The following AQP9 variants were observed in gnomAD, a reference collection of about 807,000 sequenced individuals.
The protein encoded by AQP9 is aquaporin-9.
A neutral mutation model predicts 23.8 loss-of-function variants in AQP9; 19 were observed. That is an observed-to-expected ratio of 0.80 (90% confidence interval 0.56 to 1.17). The LOEUF (loss-of-function observed/expected upper bound fraction) is 1.17. Among genes scored for constraint, AQP9 ranks in the 50% most tolerant of loss-of-function variants. The pLI, the probability that AQP9 is intolerant of heterozygous loss-of-function variation, is 0.00. For synonymous variants in AQP9, 153 were observed against 131.5 expected, an observed-to-expected ratio of 1.16 and a Z score of -1.12; for missense variants, 413 against 362.0, an observed-to-expected ratio of 1.14 and a Z score of -1.14.
intron 1 of AQP9, among the ~76,000 whole-genome samples, chr15:58,160,044 G>A (rs375254663): frequency 1.8e-4 from 27 of 152,172 alleles, no homozygotes; most frequent in Admixed American, 2.6e-4. Flanking sequence ...CTGCTGAATC[G>A]TATGGCAGTC....
At chr15:58,144,732 C>G (rs1238520324) in intron 1 of AQP9, among the ~76,000 whole-genome samples, 4 of 152,032 alleles carry the variant, frequency 2.6e-5, no homozygotes, top group African/African-American at 7.2e-5. Context: ...AGTTACAGGT[C>G]TGGCCAGGCG....
In AQP9 at chr15:58,173,196, A is replaced by G. The variant is rs747595564; in HGVS notation, c.367A>G (p.Ile123Val). 6.2e-7 allele frequency: 1 copy of G among 1,614,132 alleles called. No homozygotes were observed. Among genetic ancestry groups the G allele is most frequent in the Non-Finnish European group, 8.5e-7 (1 of 1,180,004 alleles). The change falls in exon 3 of 6, where the codon ATT becomes GTT. Residue 123 changes from isoleucine to valine, a missense_variant. Transcript: ENST00000219919. ...TGTGGGGGCTGCAACCGTCTTTGGC[A>G]TTTACTATGGTGAGTAAAGTCCCTG... ...AFVGAATVFG[I>V]YYDGLMSFAG...
rs1249770330 is a variant in AQP9 at position 58,178,980 on chromosome 15, C to T, written c.496-148C>T. The stretch of plus-strand genomic sequence containing the variant: ...AGAGAGACTGGCACAATTATTCACC[C>T]AGTACATGCCAGTTATTACTAGGCA... On this transcript the variant is annotated intron_variant, in intron 4 of 5. Coordinates refer to ENST00000219919, the MANE Select transcript of AQP9 (RefSeq NM_020980.5). 3 of 587,950 alleles carry T rather than the reference C, an allele frequency of 5.1e-6. No individual in the cohort carries two copies. In the African/African-American group the frequency reaches 5.6e-5, roughly 11 times the overall value. The allele number at this position is 587,950 out of a possible 1,614,324, so 36.4% of individuals were successfully genotyped here.
chr15:58,179,033 T>G (rs1898820018), intron 4 of AQP9, 95 bp from the exon 5 acceptor site: 4 of 835,046 alleles, frequency 4.8e-6, no homozygotes, highest in Non-Finnish European at 7.6e-6. Flanking sequence ...AATAGTAATA[T>G]TGTAATATTG....
At chr15:58,180,010 A>G (rs2140634629) in intron 5 of AQP9, among the ~76,000 whole-genome samples, 1 of 152,330 alleles carries the variant, frequency 6.6e-6, no homozygotes, top group South Asian at 2.1e-4. Context: ...GGACAGACGT[A>G]AGATTGAGCC....
chr15:58,148,519 C>T (rs561044876), intron 1 of AQP9, among the ~76,000 whole-genome samples: 8 of 152,318 alleles, frequency 5.3e-5, no homozygotes, highest in African/African-American at 9.6e-5. Flanking sequence ...TGACAAGAGG[C>T]GGCCTTGGCA....
intron 1 of AQP9, among the ~76,000 whole-genome samples, chr15:58,165,347 T>C (rs1433833017): frequency 6.6e-6 from 1 of 152,168 alleles, no homozygotes; most frequent in Non-Finnish European, 1.5e-5. Flanking sequence ...GATTATTCAA[T>C]GAATATGTGG....
Position 58,166,817 on chromosome 15 carries a change from T to A in AQP9, c.238+18T>A, listed in dbSNP as rs1391710337. 1 of 1,612,244 alleles carries A rather than the reference T, an allele frequency of 6.2e-7. No individual in the cohort carries two copies. The highest frequency in any genetic ancestry group is 1.3e-5 in the African/African-American group (1 of 75,010). The stretch of plus-strand genomic sequence containing the variant: ...TGTCTCTGGTAAGCAGTAGAAATAA[T>A]GAATGCTGCTCTTAATTCAGCCACT... On this transcript the variant is annotated intron_variant, in intron 2 of 5. Coordinates refer to ENST00000219919, the MANE Select transcript of AQP9 (RefSeq NM_020980.5).
chr15:58,162,281 C>A (rs1898399802), intron 1 of AQP9, among the ~76,000 whole-genome samples: 1 of 152,206 alleles, frequency 6.6e-6, no homozygotes, highest in African/African-American at 2.4e-5. Context: ...GGACAAGTGT[C>A]CAAACGAAGA....
Position 58,184,237 on chromosome 15 carries a change from G to A in AQP9, c.*102G>A, listed in dbSNP as rs1898963357. ...GTAAGCCTGAGGTGGAATCCACCCA[G>A]TTTTGTCTGCTAGCCATATGGGACA... On this transcript the variant is annotated 3_prime_UTR_variant, in exon 6 of 6. Coordinates refer to ENST00000219919, the MANE Select transcript of AQP9 (RefSeq NM_020980.5). The A allele has an allele frequency of 7.8e-7, 1 of 1,287,564 alleles. No homozygotes were observed. The highest frequency in any genetic ancestry group is 1.5e-5 in the African/African-American group (1 of 67,422). 79.8% of individuals were successfully genotyped at this position (1,287,564 alleles called of 1,614,324 possible).
At chr15:58,182,013 C>G (rs1309445510) in intron 5 of AQP9, among the ~76,000 whole-genome samples, 1 of 152,118 alleles carries the variant, frequency 6.6e-6, no homozygotes, top group Non-Finnish European at 1.5e-5. Flanking sequence ...ACAAGGCTAC[C>G]TTGTTCCCAG....
intron 1 of AQP9, among the ~76,000 whole-genome samples, chr15:58,162,719 G>T (rs1478840205): frequency 6.6e-6 from 1 of 152,132 alleles, no homozygotes; most frequent in Non-Finnish European, 1.5e-5. Flanking sequence ...AAGAAGCCAG[G>T]CCCCACGGAG....
intron 1 of AQP9, among the ~76,000 whole-genome samples, chr15:58,149,726 C>CT (rs1244043174): frequency 8.5e-5 from 13 of 152,314 alleles, no homozygotes; most frequent in Non-Finnish European, 1.8e-4. Context: ...ATAGCACAGG[C>CT]TGGAGGGCCA....
At chr15:58,144,564 A>G (rs1235324145) in intron 1 of AQP9, among the ~76,000 whole-genome samples, 4 of 152,138 alleles carry the variant, frequency 2.6e-5, no homozygotes, top group Non-Finnish European at 5.9e-5. Flanking sequence ...TTTTATTACC[A>G]AGGTTATATT....
chr15:58,155,044 A>G (rs1898221823), intron 1 of AQP9: 1 of 152,196 alleles, frequency 6.6e-6, no homozygotes, highest in African/African-American at 2.4e-5. Context: ...CAACATTTCT[A>G]CATGATGAAA....
At chr15:58,175,126 A>G in intron 4 of AQP9, 90 bp downstream of exon 4, 1 of 1,182,892 alleles carries the variant, frequency 8.5e-7, no homozygotes, top group East Asian at 2.4e-5. Flanking sequence ...CCAATCAGAA[A>G]GGAGAGATTA....
chr15:58,158,453 C>A (rs921622788), intron 1 of AQP9, among the ~76,000 whole-genome samples: 72 of 152,272 alleles, frequency 4.7e-4, no homozygotes, highest in African/African-American at 1.7e-3. Context: ...TACTACTTAC[C>A]TCCCAGAATG....
intron 1 of AQP9, among the ~76,000 whole-genome samples, chr15:58,165,891 A>G (rs1346863067): frequency 6.6e-6 from 1 of 152,206 alleles, no homozygotes; most frequent in Non-Finnish European, 1.5e-5. Context: ...AGAAGCAGTG[A>G]GTTTGGCAGC....
At position 58,179,229 on chromosome 15, in the gene AQP9, G is replaced by C. The variant is rs1898827023; in HGVS notation, c.597G>C (p.Leu199=). ...TAGAGCCCATTGCCATCGGCCTCCT[G>C]ATTATTGTCATTGCTTCCTCCCTGG... ...RGLEPIAIGL[L]IIVIASSLGL... Residue 199 remains leucine (L), a synonymous_variant, in exon 5 of 6, where the codon CTG becomes CTC. Coordinates refer to ENST00000219919, the MANE Select transcript of AQP9 (RefSeq NM_020980.5). The C allele has an allele frequency of 1.2e-6, 2 of 1,614,162 alleles. No homozygotes were observed. Among genetic ancestry groups the C allele is most frequent in the Non-Finnish European group, 1.7e-6 (2 of 1,180,012 alleles).
Sources: gnomAD v4.1 joint callset for allele counts (sites outside exome capture counted in the v4.1 genomes callset) on GRCh38, gnomAD v4.1.1 for gene constraint, MANE v1.5 for transcripts, NCBI Gene and HGNC (gene_info 2026-07-23, HGNC 2026-07-21) for gene names.